The following WLS variants were observed in gnomAD, a reference collection of about 807,000 sequenced individuals.
WLS encodes protein wntless homolog.
WLS carries 23 observed loss-of-function variants against 62.8 expected under a neutral mutation model. The observed-to-expected ratio is 0.37, with a 90% CI of 0.26 to 0.52. The LOEUF (loss-of-function observed/expected upper bound fraction) is 0.52, where lower values mean the gene tolerates loss of function less well. WLS is among the 20% of genes least tolerant of loss of function. The pLI is 0.92. For missense variants in WLS, 615 were observed against 697.3 expected, an observed-to-expected ratio of 0.88 and a Z score of 1.33; for synonymous variants, 246 against 244.1, an observed-to-expected ratio of 1.01 and a Z score of -0.07.
intron 3 of WLS, among the ~76,000 whole-genome samples, chr1:68,155,712 T>C (rs1166966724): frequency 6.6e-6 from 1 of 152,164 alleles, no homozygotes; most frequent in Non-Finnish European, 1.5e-5. Flanking sequence ...TTACACTCTT[T>C]AATGACGGCT....
At chr1:68,193,827 T>A (rs1648502755) in intron 2 of WLS, 128 bp downstream of exon 2, 5 of 1,249,736 alleles carry the variant, frequency 4.0e-6, no homozygotes, top group East Asian at 5.0e-5. Flanking sequence ...AGAAAGTGCC[T>A]GGGAAGTAGT....
intron 10 of WLS, chr1:68,142,707 T>C (rs1291261327): frequency 2.0e-5 from 3 of 152,144 alleles, no homozygotes; most frequent in African/African-American, 7.2e-5. Context: ...CAAAGACATA[T>C]ATGTGTATCA....
intron 6 of WLS, 24 bp from the exon 7 acceptor site, chr1:68,148,684 G>C: frequency 1.2e-6 from 2 of 1,609,294 alleles, no homozygotes; most frequent in Non-Finnish European, 1.7e-6. Context: ...AATTGAGAAG[G>C]GAGATAGAGG....
chr1:68,150,272 C>A lies in WLS; in HGVS notation c.888G>T (p.Met296Ile). Reference protein sequence around the residue: ...WFSIGFDWTWMLLFGDIRQGI... With the variant: ...WFSIGFDWTWILLFGDIRQGI... ...CCTGTCGGATGTCACCAAACAGCAG[C>A]ATCCAGGTCCAGTCAAACCCGATGG... Residue 296 changes from methionine to isoleucine, a missense_variant, in exon 6 of 12, where the codon ATG (methionine) becomes ATT (isoleucine). By Grantham distance (10) the Met-to-Ile change is conservative (BLOSUM62 1). Coordinates refer to ENST00000262348, the MANE Select transcript of WLS (RefSeq NM_024911.7). The A allele has an allele frequency of 6.2e-7, 1 of 1,614,196 alleles. No individual in the cohort carries two copies. Among genetic ancestry groups the A allele is most frequent in the Non-Finnish European group, 8.5e-7 (1 of 1,180,038 alleles).
In WLS at chr1:68,141,961, A is replaced by T. The variant is rs535854782; in HGVS notation, c.1362+2608T>A. Among the ~76,000 whole-genome samples the T allele has an allele frequency of 2.0e-5, 3 of 152,204 alleles. No homozygotes were observed. In the South Asian group the frequency reaches 6.2e-4, roughly 32 times the overall value. The stretch of plus-strand genomic sequence containing the variant: ...TGCTACCCCCTTAGAGTTGAAATCC[A>T]CTCCGGGCCGACTGTCGCAGCAGAT... On this transcript the variant is annotated intron_variant, in intron 10 of 11. Transcript: ENST00000262348.
rs367778835 is a variant in WLS at position 68,162,587 on chromosome 1, G to A, written c.380-3340C>T. On this transcript the variant is annotated intron_variant, in intron 2 of 11. Coordinates refer to ENST00000262348, the MANE Select transcript of WLS (RefSeq NM_024911.7). ...CTGGCCGATCCCGAGGCCAACTCGC[G>A]GTTCTGCTCCATGCTCTGAACCCGT... is the stretch of plus-strand genomic sequence containing the variant. 4.8e-6 allele frequency: 7 copies of A among 1,472,424 alleles called. No homozygotes were observed. The East Asian group carries it at 1.1e-4, about 24-fold the overall frequency. The allele number at this position is 1,472,424 out of a possible 1,614,324, so 91.2% of individuals were successfully genotyped here.
chr1:68,188,350 GAAGA>G (rs2100588241), intron 2 of WLS, among the ~76,000 whole-genome samples: 1 of 152,298 alleles, frequency 6.6e-6, no homozygotes, highest in African/African-American at 2.4e-5. Flanking sequence ...TTTAGTGGCA[GAAGA>G]ATGATACAAT....
chr1:68,175,973 T>C (rs906032062), intron 2 of WLS, among the ~76,000 whole-genome samples: 4 of 152,324 alleles, frequency 2.6e-5, no homozygotes, highest in African/African-American at 9.6e-5. Context: ...AAAGCTTTGT[T>C]TCTGACAAGT....
At chr1:68,182,446 T>C (rs915231776) in intron 2 of WLS, among the ~76,000 whole-genome samples, 6 of 152,248 alleles carry the variant, frequency 3.9e-5, no homozygotes, top group Admixed American at 2.0e-4. Flanking sequence ...AGATAATTCA[T>C]GAGCAAACAA....
chr1:68,229,068 T>C (rs550262337), intron 1 of WLS, among the ~76,000 whole-genome samples: 2 of 152,104 alleles, frequency 1.3e-5, no homozygotes, highest in African/African-American at 4.8e-5. Flanking sequence ...TACAATTCTC[T>C]AAGTACTGAA....
At chr1:68,198,551 T>C (rs1446643754) in intron 1 of WLS, among the ~76,000 whole-genome samples, 3 of 152,102 alleles carry the variant, frequency 2.0e-5, no homozygotes, top group Non-Finnish European at 2.9e-5. Context: ...AATTCAGTGG[T>C]CCCTCAGTTA....
At chr1:68,219,344 A>G (rs1027795515) in intron 1 of WLS, among the ~76,000 whole-genome samples, 5 of 152,156 alleles carry the variant, frequency 3.3e-5, no homozygotes, top group East Asian at 1.9e-4. Context: ...ATTTCTCACT[A>G]TGTCTTCCTT....
chr1:68,117,929 AT>A (rs1306776871), intron 11 of WLS, among the ~76,000 whole-genome samples: 2 of 152,090 alleles, frequency 1.3e-5, no homozygotes, highest in Non-Finnish European at 2.9e-5. Context: ...AAAATATTTA[AT>A]TGGTCTTCCA....
At chr1:68,115,867 C>T (rs889850313) in intron 11 of WLS, among the ~76,000 whole-genome samples, 5 of 152,012 alleles carry the variant, frequency 3.3e-5, no homozygotes, top group Admixed American at 1.3e-4. Flanking sequence ...TAAGCAATTC[C>T]AAGGACCCCC....
intron 1 of WLS, among the ~76,000 whole-genome samples, chr1:68,210,599 C>A (rs1412199501): frequency 6.6e-6 from 1 of 152,134 alleles, no homozygotes; most frequent in Non-Finnish European, 1.5e-5. Context: ...TCTTGGGAGA[C>A]CCAGTGTGGG....
chr1:68,171,474 A>T (rs12036269), intron 2 of WLS, among the ~76,000 whole-genome samples: 8,704 of 152,306 alleles, frequency 0.057, 269 homozygotes, highest in Middle Eastern at 0.12. Context: ...AAGAAAAAAA[A>T]ACAAAAAACC....
intron 1 of WLS, among the ~76,000 whole-genome samples, chr1:68,216,833 T>C (rs565190184): frequency 1.3e-5 from 2 of 152,358 alleles, no homozygotes; most frequent in African/African-American, 4.8e-5. Context: ...GTGAGCATTC[T>C]TTCAGAATTA....
At chr1:68,114,865 A>G (rs1646270765) in intron 11 of WLS, among the ~76,000 whole-genome samples, 1 of 152,234 alleles carries the variant, frequency 6.6e-6, no homozygotes, top group Non-Finnish European at 1.5e-5. Context: ...CTTAGGTGTG[A>G]AGCAGCCCTA....
intron 11 of WLS, among the ~76,000 whole-genome samples, chr1:68,132,564 T>A (rs1268676438): frequency 6.6e-6 from 1 of 152,198 alleles, no homozygotes; most frequent in African/African-American, 2.4e-5. Flanking sequence ...GACATCACAC[T>A]GTAGCTAGCT....
Sources: gnomAD v4.1 joint callset for allele counts (sites outside exome capture counted in the v4.1 genomes callset) on GRCh38, gnomAD v4.1.1 for gene constraint, MANE v1.5 for transcripts, NCBI Gene and HGNC (gene_info 2026-07-23, HGNC 2026-07-21) for gene names.